Variants in CAMKMT observed in about 807,000 individuals in gnomAD.
CAMKMT encodes the protein CaM KMT.
Under a neutral mutation model 48.0 loss-of-function variants are expected in CAMKMT, and 53 were observed. The observed-to-expected ratio is 1.10, with a 90% CI of 0.89 to 1.39. The LOEUF (loss-of-function observed/expected upper bound fraction) is 1.39. Among genes scored for constraint, CAMKMT ranks in the 40% most tolerant of loss-of-function variants. The pLI is 0.00. For missense variants in CAMKMT, 428 were observed against 402.7 expected, an observed-to-expected ratio of 1.06 and a Z score of -0.54; for synonymous variants, 165 against 152.3, an observed-to-expected ratio of 1.08 and a Z score of -0.61.
intron 3 of CAMKMT, among the ~76,000 whole-genome samples, chr2:44,520,906 A>G (rs1671072175): frequency 6.6e-6 from 1 of 152,136 alleles, no homozygotes; most frequent in African/African-American, 2.4e-5. Context: ...CCGCTCTGTG[A>G]AGAGGTGGCT....
At chr2:44,687,851 GT>G (rs748896613) in intron 3 of CAMKMT, among the ~76,000 whole-genome samples, 20 of 152,334 alleles carry the variant, frequency 1.3e-4, no homozygotes, top group Middle Eastern at 3.4e-3. Context: ...AGCAGCCTGA[GT>G]TTTTATTAAC....
At chr2:44,652,028 G>C (rs965202013) in intron 3 of CAMKMT, among the ~76,000 whole-genome samples, 2 of 152,174 alleles carry the variant, frequency 1.3e-5, no homozygotes, top group Non-Finnish European at 2.9e-5. Flanking sequence ...ATGATTAATG[G>C]TGATGTTTTT....
At chr2:44,368,155 C>G (rs1678805814) in intron 1 of CAMKMT, among the ~76,000 whole-genome samples, 1 of 152,140 alleles carries the variant, frequency 6.6e-6, no homozygotes, top group Non-Finnish European at 1.5e-5. Flanking sequence ...GACTAAATAG[C>G]TCATTGACTT....
intron 2 of CAMKMT, among the ~76,000 whole-genome samples, chr2:44,388,508 A>T (rs2104407929): frequency 1.3e-5 from 2 of 152,164 alleles, no homozygotes; most frequent in Non-Finnish European, 2.9e-5. Flanking sequence ...TTTTCAGGTA[A>T]ATCAGGGATT....
intron 9 of CAMKMT, among the ~76,000 whole-genome samples, chr2:44,765,973 A>G (rs1037516385): frequency 6.6e-6 from 1 of 152,124 alleles, no homozygotes; most frequent in Non-Finnish European, 1.5e-5. Flanking sequence ...TTGGTACTGA[A>G]TTTTCAGGGT....
At chr2:44,727,957 C>G (rs1038149233) in intron 7 of CAMKMT, among the ~76,000 whole-genome samples, 3 of 152,170 alleles carry the variant, frequency 2.0e-5, no homozygotes, top group African/African-American at 7.2e-5. Context: ...GGGTTTTACT[C>G]TGTCACCCAA....
rs184959050 is a variant in CAMKMT at position 44,486,206 on chromosome 2, A to T, written c.376+95901A>T. ...GGCCTTGAACTCCTGGCCTCAAGTG[A>T]TCCACCCACCTTGGCCTCCCAAAGT... On this transcript the variant is annotated intron_variant, in intron 3 of 10. Transcript: ENST00000378494. Among the ~76,000 whole-genome samples, 4 of 152,214 alleles carry T rather than the reference A, an allele frequency of 2.6e-5. No homozygotes were observed. In the East Asian group the frequency reaches 7.7e-4, roughly 29 times the overall value.
At chr2:44,465,414 A>G (rs959897882) in intron 3 of CAMKMT, among the ~76,000 whole-genome samples, 1 of 152,136 alleles carries the variant, frequency 6.6e-6, no homozygotes, top group Admixed American at 6.5e-5. Context: ...CCTGACCAAT[A>G]TGGTGAAACC....
rs571812719 is a variant in CAMKMT, at chr2:44,460,643, C to T, written c.376+70338C>T. On this transcript the variant is annotated intron_variant, in intron 3 of 10. Coordinates refer to ENST00000378494, the MANE Select transcript of CAMKMT (RefSeq NM_024766.5). ...GATGTGGTTGTCCTCTTGGAGCTTACTTTTTTTTCTTTACAGGGGAGGTAA... is the reference window on the plus strand; with the variant it reads ...GATGTGGTTGTCCTCTTGGAGCTTATTTTTTTTTCTTTACAGGGGAGGTAA... 8.1e-5 allele frequency among the ~76,000 whole-genome samples: 12 copies of T among 148,446 alleles called. No individual in the cohort carries two copies. The East Asian group carries it at 2.4e-3, about 30-fold the overall frequency.
chr2:44,416,179 G>T (rs1683537676), intron 3 of CAMKMT, among the ~76,000 whole-genome samples: 1 of 152,120 alleles, frequency 6.6e-6, no homozygotes, highest in Non-Finnish European at 1.5e-5. Context: ...TATGTTTTGG[G>T]TGCCATGTGT....
intron 3 of CAMKMT, among the ~76,000 whole-genome samples, chr2:44,646,541 G>C (rs866383664): frequency 1.3e-5 from 2 of 152,070 alleles, no homozygotes; most frequent in Admixed American, 6.5e-5. Flanking sequence ...TCACTGCCTA[G>C]ATGTGCGAAG....
chr2:44,420,068 T>G (rs1186496778), intron 3 of CAMKMT, among the ~76,000 whole-genome samples: 3 of 152,188 alleles, frequency 2.0e-5, no homozygotes, highest in Admixed American at 2.0e-4. Context: ...GAGAGGAAAT[T>G]ACACAATTAT....
intron 3 of CAMKMT, among the ~76,000 whole-genome samples, chr2:44,408,335 T>C (rs1365780840): frequency 6.6e-6 from 1 of 152,130 alleles, no homozygotes; most frequent in Non-Finnish European, 1.5e-5. Flanking sequence ...TCTTTTACTC[T>C]TTATAGATTG....
intron 7 of CAMKMT, among the ~76,000 whole-genome samples, chr2:44,724,608 T>C (rs1303520223): frequency 6.6e-6 from 1 of 152,120 alleles, no homozygotes; most frequent in Non-Finnish European, 1.5e-5. Context: ...TGAGAGTGAA[T>C]CCATGGATAG....
intron 3 of CAMKMT, among the ~76,000 whole-genome samples, chr2:44,575,384 C>T (rs1434218744): frequency 6.6e-6 from 1 of 152,140 alleles, no homozygotes; most frequent in Non-Finnish European, 1.5e-5. Context: ...CAGCCCTTCT[C>T]CATTTATTTA....
chr2:44,696,836 A>G (rs1676984399), intron 3 of CAMKMT, among the ~76,000 whole-genome samples: 1 of 152,178 alleles, frequency 6.6e-6, no homozygotes. Flanking sequence ...TATAATTAAT[A>G]CTTTCAAATA....
At chr2:44,417,844 T>G (rs1683663004) in intron 3 of CAMKMT, among the ~76,000 whole-genome samples, 2 of 152,208 alleles carry the variant, frequency 1.3e-5, no homozygotes, top group East Asian at 3.8e-4. Context: ...TTCATATATC[T>G]TCATCTGTGA....
At chr2:44,761,966 G>T (rs531146306) in intron 9 of CAMKMT, among the ~76,000 whole-genome samples, 1 of 152,224 alleles carries the variant, frequency 6.6e-6, no homozygotes, top group African/African-American at 2.4e-5. Context: ...AATGGTGAAA[G>T]CTATAGTTAT....
chr2:44,527,788 C>A (rs921904670), intron 3 of CAMKMT, among the ~76,000 whole-genome samples: 5 of 125,924 alleles, frequency 4.0e-5, no homozygotes, highest in Non-Finnish European at 6.8e-5. Context: ...GTGTACAGCC[C>A]CCCCCCCCAT....
Sources: allele counts gnomAD v4.1 joint callset (sites outside exome capture counted in the v4.1 genomes callset), GRCh38; gene constraint gnomAD v4.1.1; transcripts MANE v1.5; gene names NCBI Gene and HGNC (gene_info 2026-07-23, HGNC 2026-07-21).